Variants in OSBPL3 observed in about 807,000 individuals in gnomAD.
The protein encoded by OSBPL3 is oxysterol-binding protein-related protein 3.
A neutral mutation model predicts 120.1 loss-of-function variants in OSBPL3; 65 were observed. That is an observed-to-expected ratio of 0.54 (90% CI 0.44 to 0.67). The LOEUF is 0.67. OSBPL3 is among the 30% of genes least tolerant of loss of function. OSBPL3 has a pLI of 0.00. For missense variants in OSBPL3, 1,004 were observed against 1,082.1 expected, an observed-to-expected ratio of 0.93 and a Z score of 1.01; for synonymous variants, 416 against 402.6, an observed-to-expected ratio of 1.03 and a Z score of -0.40.
At chr7:24,941,070 T>C (rs1259109223) in intron 1 of OSBPL3, among the ~76,000 whole-genome samples, 3 of 152,128 alleles carry the variant, frequency 2.0e-5, no homozygotes, top group African/African-American at 7.2e-5. Context: ...CCACCTGCCT[T>C]GGCCTCCCAA....
rs528480120 is a variant in OSBPL3 at position 24,979,895 on chromosome 7, G to A, written c.-159C>T. The A allele has an allele frequency of 4.1e-6, 4 of 965,230 alleles. No homozygotes were observed. Among genetic ancestry groups the A allele is most frequent in the Admixed American group, 7.3e-5 (1 of 13,786 alleles). 59.8% of individuals were successfully genotyped at this position (965,230 alleles called of 1,614,324 possible). A position where few individuals can be genotyped will look rare whatever the true frequency, so the allele number is the denominator to read the frequency against. On this transcript the variant is annotated 5_prime_UTR_variant, in exon 1 of 23. Coordinates refer to ENST00000313367, the MANE Select transcript of OSBPL3 (RefSeq NM_015550.4). ...GCGCCCCGCCACTCACCTGAGCGCT[G>A]TGCAGCCGGAGACGCTCCCTAGTTC...
chr7:24,816,215 A>T (rs893593671), intron 18 of OSBPL3, among the ~76,000 whole-genome samples: 11 of 151,946 alleles, frequency 7.2e-5, no homozygotes, highest in Admixed American at 3.9e-4. Context: ...TTTTCTAGAG[A>T]CAGGGTCTTG....
intron 1 of OSBPL3, among the ~76,000 whole-genome samples, chr7:24,931,188 T>C (rs1198710377): frequency 6.6e-6 from 1 of 152,132 alleles, no homozygotes; most frequent in Non-Finnish European, 1.5e-5. Flanking sequence ...AACAAAAATG[T>C]TTGTGAGCAG....
At chr7:24,878,888 A>G (rs543522135) in intron 2 of OSBPL3, among the ~76,000 whole-genome samples, 1 of 152,326 alleles carries the variant, frequency 6.6e-6, no homozygotes, top group South Asian at 2.1e-4. Context: ...AGATGAGGCT[A>G]TCACTGCTGC....
At chr7:24,809,268 T>C (rs1339827937) in intron 20 of OSBPL3, among the ~76,000 whole-genome samples, 2 of 152,154 alleles carry the variant, frequency 1.3e-5, no homozygotes, top group African/African-American at 2.4e-5. Flanking sequence ...GATGTTAAAG[T>C]ATGGTGGGGA....
rs1332349439 is a variant in OSBPL3, at chr7:24,798,898, A to AACACAATT, written c.*1277_*1284dup. On this transcript the variant is annotated 3_prime_UTR_variant, in exon 23 of 23. Transcript: ENST00000313367. This position sits in a 1 kb window ranked among gnomAD's most constrained non-coding sequence, Gnocchi z 4.6. ...GGACAGAAGTTGGACATGCTTTGAT[A>AACACAATT]ACACAATTCAACTACTACACATATT... 1 of 152,668 alleles carries AACACAATT rather than the reference A, an allele frequency of 6.6e-6. No homozygotes were observed. The highest frequency in any genetic ancestry group is 1.5e-5 in the Non-Finnish European group (1 of 68,046). The allele number at this position is 152,668 out of a possible 1,614,324, so 9.5% of individuals were successfully genotyped here. A position where few individuals can be genotyped will look rare whatever the true frequency, so the allele number is the denominator to read the frequency against.
At chr7:24,925,375 G>A (rs184419894) in intron 1 of OSBPL3, among the ~76,000 whole-genome samples, 132 of 152,298 alleles carry the variant, frequency 8.7e-4, no homozygotes, top group Non-Finnish European at 5.9e-5. Flanking sequence ...CATGTGGCCA[G>A]ATGTCTTTTC....
chr7:24,889,505 G>A (rs1358383993), intron 2 of OSBPL3, among the ~76,000 whole-genome samples: 1 of 151,938 alleles, frequency 6.6e-6, no homozygotes, highest in Non-Finnish European at 1.5e-5. Flanking sequence ...TTGATAATGG[G>A]TAATCACTTC....
chr7:24,928,966 T>C (rs186055222), intron 1 of OSBPL3, among the ~76,000 whole-genome samples: 21 of 152,338 alleles, frequency 1.4e-4, no homozygotes, highest in African/African-American at 3.8e-4. Context: ...CAAGCTGCTA[T>C]TAACATTTGT....
intron 5 of OSBPL3, among the ~76,000 whole-genome samples, chr7:24,866,524 T>C (rs1801342150): frequency 6.6e-6 from 1 of 152,114 alleles, no homozygotes; most frequent in Admixed American, 6.6e-5. Context: ...GCCTGTGATC[T>C]GAGCTACTCG....
In OSBPL3 at chr7:24,932,515, G is replaced by C. The variant is rs1811908147; in HGVS notation, c.-149-39894C>G. 6.6e-6 allele frequency among the ~76,000 whole-genome samples: 1 copy of C among 152,108 alleles called. No individual in the cohort carries two copies. Among genetic ancestry groups the C allele is most frequent in the South Asian group, 2.1e-4 (1 of 4,820 alleles). The stretch of plus-strand genomic sequence containing the variant: ...GATGGCATTGGGATGTGGGGTCTTT[G>C]GGAGGTGATTAGGTCATGAAGGCAG... On this transcript the variant is annotated intron_variant, in intron 1 of 22. Transcript: ENST00000313367. The surrounding 1 kb of genome is among the most constrained non-coding windows in gnomAD (Gnocchi z 5.6).
intron 14 of OSBPL3, among the ~76,000 whole-genome samples, chr7:24,839,665 C>T (rs990603050): frequency 2.6e-5 from 4 of 152,134 alleles, no homozygotes; most frequent in African/African-American, 7.2e-5. Flanking sequence ...CATATTCTAA[C>T]ATGTCCTGAG....
chr7:24,839,259 A>G lies in OSBPL3; in HGVS notation c.1495+1431T>C, dbSNP rs982805907. On this transcript the variant is annotated intron_variant, in intron 14 of 22. Transcript: ENST00000313367. Reference sequence around the variant, plus strand: ...CAAGGCAGACTGAGTACCAAGACTGATAAGTGCTTGATGCTACGAGGACCC... The same window carrying G: ...CAAGGCAGACTGAGTACCAAGACTGGTAAGTGCTTGATGCTACGAGGACCC... 1.4e-4 allele frequency among the ~76,000 whole-genome samples: 22 copies of G among 152,186 alleles called. 1 individual carries two copies. Among genetic ancestry groups the G allele is most frequent in the Admixed American group, 1.2e-3 (19 of 15,280 alleles).
chr7:24,806,760 T>C lies in OSBPL3; in HGVS notation c.2444+16A>G. 1.2e-6 allele frequency: 2 copies of C among 1,611,716 alleles called. No individual in the cohort carries two copies. Among genetic ancestry groups the C allele is most frequent in the East Asian group, 4.5e-5 (2 of 44,866 alleles). ...TTTTACATCTCTGGAGAGAAAAATC[T>C]TTAAAAAATCCTTACCTCTGGTCTG... On this transcript the variant is annotated intron_variant, in intron 21 of 22. Transcript: ENST00000313367. The surrounding 1 kb of genome is among the most constrained non-coding windows in gnomAD (Gnocchi z 5.2).
intron 2 of OSBPL3, among the ~76,000 whole-genome samples, chr7:24,874,630 A>C (rs187589776): frequency 6.6e-6 from 1 of 152,286 alleles, no homozygotes; most frequent in African/African-American, 2.4e-5. Flanking sequence ...ATTAAAGCAC[A>C]TCTGTTGGCC....
chr7:24,903,883 A>T (rs1238099370), intron 1 of OSBPL3, among the ~76,000 whole-genome samples: 5 of 138,926 alleles, frequency 3.6e-5, no homozygotes, highest in Admixed American at 1.4e-4. Context: ...CTCACCACCA[A>T]TTTTTTTTTT....
At chr7:24,897,614 C>T (rs182676826) in intron 1 of OSBPL3, among the ~76,000 whole-genome samples, 3 of 152,164 alleles carry the variant, frequency 2.0e-5, no homozygotes, top group Non-Finnish European at 2.9e-5. Context: ...CGTGAGCCAC[C>T]GCGCCCGGCC....
Position 24,933,760 on chromosome 7 carries a change from T to A in OSBPL3, c.-149-41139A>T, listed in dbSNP as rs1812066676. 6.6e-6 allele frequency among the ~76,000 whole-genome samples: 1 copy of A among 152,218 alleles called. No individual in the cohort carries two copies. Among genetic ancestry groups the A allele is most frequent in the African/African-American group, 2.4e-5 (1 of 41,460 alleles). The stretch of plus-strand genomic sequence containing the variant: ...AAGTTGATATTTAAATAATTAGTTA[T>A]GAGAAAAGCAAACCAATGGGTAATT... On this transcript the variant is annotated intron_variant, in intron 1 of 22. Coordinates refer to ENST00000313367, the MANE Select transcript of OSBPL3 (RefSeq NM_015550.4). The surrounding 1 kb of genome is among the most constrained non-coding windows in gnomAD (Gnocchi z 5.1).
intron 2 of OSBPL3, among the ~76,000 whole-genome samples, chr7:24,874,324 G>A (rs1024633238): frequency 1.3e-5 from 2 of 152,140 alleles, no homozygotes; most frequent in Non-Finnish European, 2.9e-5. Flanking sequence ...AAGCCCTTTT[G>A]ATTTGTTTGT....
Sources: allele counts gnomAD v4.1 joint callset (sites outside exome capture counted in the v4.1 genomes callset), GRCh38; gene constraint gnomAD v4.1.1; non-coding constraint Gnocchi (gnomAD v3.1); transcripts MANE v1.5; gene names NCBI Gene and HGNC (gene_info 2026-07-23, HGNC 2026-07-21).